Variants in CSMD1 observed in about 807,000 individuals in gnomAD.
CSMD1 encodes CUB and sushi domain-containing protein 1.
In CSMD1, 213 loss-of-function variants were observed where a neutral mutation model predicts 417.5. The observed-to-expected ratio is 0.51, with a 90% CI of 0.46 to 0.57. CSMD1 has a LOEUF of 0.57. Among genes scored for constraint, CSMD1 ranks in the 20% least tolerant of loss-of-function variants. The probability of loss-of-function intolerance (pLI) is 0.00; values close to 1 mark genes in which losing one functional copy is unlikely to be tolerated. For synonymous variants in CSMD1, 2,862 were observed against 1,736.8 expected, an observed-to-expected ratio of 1.65 and a Z score of -16.11; for missense variants, 6,923 against 4,529.7, an observed-to-expected ratio of 1.53 and a Z score of -15.17.
intron 23 of CSMD1, among the ~76,000 whole-genome samples, chr8:3,330,536 G>A (rs1453123030): frequency 6.6e-6 from 1 of 152,182 alleles, no homozygotes; most frequent in Non-Finnish European, 1.5e-5. Context: ...CTAAGCAGGA[G>A]CTAAATGGTG....
intron 1 of CSMD1, among the ~76,000 whole-genome samples, chr8:4,932,034 G>A (rs1423265486): frequency 6.6e-6 from 1 of 152,096 alleles, no homozygotes; most frequent in Non-Finnish European, 1.5e-5. Flanking sequence ...TAAATAAAAT[G>A]CATATTGCTA....
intron 52 of CSMD1, among the ~76,000 whole-genome samples, chr8:3,007,901 C>A (rs1477461657): frequency 6.6e-6 from 1 of 151,344 alleles, no homozygotes; most frequent in African/African-American, 2.4e-5. Context: ...TGCACATGTA[C>A]CCTAAAACTT....
intron 10 of CSMD1, among the ~76,000 whole-genome samples, chr8:3,506,880 T>C (rs1490987044): frequency 6.6e-6 from 1 of 152,226 alleles, no homozygotes; most frequent in Non-Finnish European, 1.5e-5. Context: ...AATGACACTA[T>C]TTGATGTCGG....
chr8:3,432,916 T>G (rs1194264535), intron 12 of CSMD1, among the ~76,000 whole-genome samples: 3 of 152,176 alleles, frequency 2.0e-5, no homozygotes, highest in African/African-American at 7.2e-5. Flanking sequence ...CAGTTACATT[T>G]CTTCTAATCA....
At chr8:4,431,362 A>G (rs1325211411) in intron 2 of CSMD1, among the ~76,000 whole-genome samples, 1 of 152,176 alleles carries the variant, frequency 6.6e-6, no homozygotes, top group Non-Finnish European at 1.5e-5. Flanking sequence ...TGAAACCAAT[A>G]GTTGGGAGGA....
intron 3 of CSMD1, among the ~76,000 whole-genome samples, chr8:4,321,331 A>G (rs916474207): frequency 6.6e-6 from 1 of 152,104 alleles, no homozygotes; most frequent in African/African-American, 2.4e-5. Flanking sequence ...TGAAATGGCC[A>G]TACGTCTTCT....
intron 3 of CSMD1, among the ~76,000 whole-genome samples, chr8:4,052,682 G>C (rs966597541): frequency 1.3e-5 from 2 of 152,058 alleles, no homozygotes; most frequent in Non-Finnish European, 2.9e-5. Context: ...CCCATAATAA[G>C]TAAGGTGTAT....
At position 3,773,066 on chromosome 8, in the gene CSMD1, G is replaced by A. The variant is rs562565513; in HGVS notation, c.819-19024C>T. Among the ~76,000 whole-genome samples the A allele has an allele frequency of 3.9e-5, 6 of 152,212 alleles. No individual in the cohort carries two copies. In the East Asian group the frequency reaches 9.7e-4, roughly 25 times the overall value. Reference sequence around the variant, plus strand: ...GAAGGGAAGAAGGGAGCTCTCTGGGGCCTCTTCTATAAGGACACTAATCAC... The same window carrying A: ...GAAGGGAAGAAGGGAGCTCTCTGGGACCTCTTCTATAAGGACACTAATCAC... On this transcript the variant is annotated intron_variant, in intron 5 of 69. Transcript: ENST00000635120.
At chr8:3,485,328 C>A (rs1419917460) in intron 11 of CSMD1, among the ~76,000 whole-genome samples, 1 of 152,060 alleles carries the variant, frequency 6.6e-6, no homozygotes, top group African/African-American at 2.4e-5. Flanking sequence ...ATATAACATT[C>A]TTGCAATGAC....
intron 5 of CSMD1, among the ~76,000 whole-genome samples, chr8:3,959,474 G>A (rs1812178063): frequency 6.6e-6 from 1 of 152,210 alleles, no homozygotes; most frequent in Non-Finnish European, 1.5e-5. Flanking sequence ...ACTCCAGACT[G>A]GATGACTGAG....
intron 11 of CSMD1, among the ~76,000 whole-genome samples, chr8:3,489,379 G>C (rs371285865): frequency 6.6e-6 from 1 of 152,138 alleles, no homozygotes; most frequent in Non-Finnish European, 1.5e-5. Context: ...TTTTAAAACT[G>C]TAACCTGTGC....
intron 12 of CSMD1, among the ~76,000 whole-genome samples, chr8:3,448,164 G>A (rs1010250696): frequency 1.3e-5 from 2 of 150,692 alleles, no homozygotes; most frequent in African/African-American, 4.9e-5. Flanking sequence ...CCTGAATTGG[G>A]GGAGTAGATA....
intron 25 of CSMD1, among the ~76,000 whole-genome samples, chr8:3,291,954 G>C (rs1009859190): frequency 4.6e-5 from 7 of 151,784 alleles, no homozygotes; most frequent in African/African-American, 1.7e-4. Context: ...GCTTTCTCTT[G>C]TGGGCATTTA....
At chr8:4,850,974 G>T (rs1801442945) in intron 1 of CSMD1, among the ~76,000 whole-genome samples, 1 of 149,740 alleles carries the variant, frequency 6.7e-6, no homozygotes, top group Non-Finnish European at 1.5e-5. Flanking sequence ...TACACTTTGA[G>T]TTTTAGGGTA....
chr8:4,398,942 C>A (rs1804456252), intron 3 of CSMD1, among the ~76,000 whole-genome samples: 1 of 152,088 alleles, frequency 6.6e-6, no homozygotes, highest in African/African-American at 2.4e-5. Context: ...AGAATATATT[C>A]TTGAGAATGT....
intron 3 of CSMD1, among the ~76,000 whole-genome samples, chr8:4,349,434 G>T (rs750730991): frequency 6.6e-6 from 1 of 152,304 alleles, no homozygotes; most frequent in South Asian, 2.1e-4. Context: ...ATAGAGAAAA[G>T]TCAGATTTAC....
intron 7 of CSMD1, among the ~76,000 whole-genome samples, chr8:3,645,170 C>G (rs1409997334): frequency 6.6e-6 from 1 of 152,082 alleles, no homozygotes; most frequent in Non-Finnish European, 1.5e-5. Context: ...CACCATTTCA[C>G]TCCCTTACTT....
intron 1 of CSMD1, among the ~76,000 whole-genome samples, chr8:4,662,061 C>T (rs1459234888): frequency 2.0e-5 from 3 of 152,018 alleles, no homozygotes; most frequent in Non-Finnish European, 4.4e-5. Flanking sequence ...TGTGTTGAGA[C>T]ATTATATTAA....
rs75814233 is a variant in CSMD1, at chr8:4,069,609, C to A, written c.416-37510G>T. On this transcript the variant is annotated intron_variant, in intron 3 of 69. Coordinates refer to ENST00000635120, the MANE Select transcript of CSMD1 (RefSeq NM_033225.6). ...TTGGGCCAGTGGCCACAGCGTAATACCATCTGGCCTGTATTCCCCTCAAGC... is the reference window on the plus strand; with the variant it reads ...TTGGGCCAGTGGCCACAGCGTAATAACATCTGGCCTGTATTCCCCTCAAGC... 6.7e-3 allele frequency among the ~76,000 whole-genome samples: 1,018 copies of A among 152,264 alleles called. 14 individuals are homozygous for A. Among genetic ancestry groups the A allele is most frequent in the African/African-American group, 0.024 (980 of 41,552 alleles).
Sources: allele counts gnomAD v4.1 joint callset (sites outside exome capture counted in the v4.1 genomes callset), GRCh38; gene constraint gnomAD v4.1.1; transcripts MANE v1.5; gene names NCBI Gene and HGNC (gene_info 2026-07-23, HGNC 2026-07-21).